The following NLRP11 variants were observed in gnomAD, a reference collection of about 807,000 sequenced individuals.
NLRP11 encodes the protein NACHT, LRR and PYD domains-containing protein 11.
Under a neutral mutation model 79.3 loss-of-function variants are expected in NLRP11, and 53 were observed. That is an observed-to-expected ratio of 0.67 (90% CI 0.54 to 0.84). NLRP11 has a LOEUF of 0.84. Among genes scored for constraint, NLRP11 ranks in the 40% least tolerant of loss-of-function variants. The pLI is 0.00. For missense variants in NLRP11, 1,264 were observed against 1,255.0 expected (o/e 1.01, Z -0.11); for synonymous variants, 518 against 462.6 (o/e 1.12, Z -1.54).
At position 55,809,295 on chromosome 19, in the gene NLRP11, T is replaced by C. The variant is rs1451176911; in HGVS notation, c.1315A>G (p.Ser439Gly). The C allele has an allele frequency of 6.2e-7, 1 of 1,613,982 alleles. No homozygotes were observed. ...TTGTAACGGTCTTTATGAGTGTTGC[T>C]CGGCAAAAGAATATTCGCGGCCTGC... The change falls in exon 3 of 10, where the codon AGC becomes GGC. Residue 439 changes from serine to glycine, a missense_variant. Coordinates refer to ENST00000589093, the Ensembl canonical transcript of NLRP11. This position sits in a 1 kb window ranked among gnomAD's most constrained non-coding sequence, Gnocchi z 4.5.
rs767153143 is a variant in NLRP11 at position 55,809,576 on chromosome 19, G to A, written c.1034C>T (p.Thr345Met). 20 of 1,614,056 alleles carry A rather than the reference G, an allele frequency of 1.2e-5. No individual in the cohort carries two copies. The highest frequency in any genetic ancestry group is 2.2e-5 in the South Asian group (2 of 91,084). Residue 345 changes from threonine (T) to methionine (M), a missense_variant, in exon 3 of 10, where the codon ACG (threonine) becomes ATG (methionine). Physicochemically the swap from Thr to Met is moderately conservative, Grantham distance 81. Transcript: ENST00000589093. The surrounding 1 kb of genome is among the most constrained non-coding windows in gnomAD (Gnocchi z 4.5). ...CATCTGCCGCTTCAGGACAGTACAC[G>A]TGATCCAGCATAAGATGGCGACTCG...
At chr19:55,833,881 A>ACAGATT (rs1983018660), upstream of NLRP11, among the ~76,000 whole-genome samples, 3 of 152,028 alleles carry the variant, frequency 2.0e-5, no homozygotes, top group South Asian at 6.2e-4. Context: ...CTGGTTTATA[A>ACAGATT]CAGATTTCTG....
intron 6 of NLRP11, among the ~76,000 whole-genome samples, chr19:55,793,555 C>CAAAAAAAA (rs1385442204): frequency 6.5e-5 from 2 of 30,668 alleles, no homozygotes; most frequent in African/African-American, 1.3e-4. Flanking sequence ...GTGACTGTCT[C>CAAAAAAAA]CAAAAAAAAA....
At chr19:55,791,921 C>T (rs544738214) in intron 7 of NLRP11, among the ~76,000 whole-genome samples, 1 of 152,144 alleles carries the variant, frequency 6.6e-6, no homozygotes, top group Non-Finnish European at 1.5e-5. Context: ...CAGAAAGATG[C>T]CCCCATGATC....
upstream of NLRP11, among the ~76,000 whole-genome samples, chr19:55,835,592 G>A (rs998770614): frequency 6.7e-4 from 97 of 144,908 alleles, no homozygotes; most frequent in African/African-American, 9.7e-4. Context: ...CTGTAATCCC[G>A]GCACTTTGGG....
intron 9 of NLRP11, among the ~76,000 whole-genome samples, chr19:55,786,759 T>G (rs1422852028): frequency 6.6e-6 from 1 of 152,160 alleles, no homozygotes; most frequent in Admixed American, 6.5e-5. Context: ...ATCCCTGGCA[T>G]CATGGAGCTC....
intron 1 of NLRP11, among the ~76,000 whole-genome samples, chr19:55,829,897 GA>G (rs1982585070): frequency 6.6e-6 from 1 of 152,080 alleles, no homozygotes; most frequent in Non-Finnish European, 1.5e-5. Context: ...CTATTGACCA[GA>G]AGCCTTATCA....
chr19:55,824,609 C>T (rs568364500), intron 1 of NLRP11, among the ~76,000 whole-genome samples: 2 of 112,652 alleles, frequency 1.8e-5, no homozygotes, highest in South Asian at 2.5e-4. Flanking sequence ...GAAGGGGTTG[C>T]AATCCTAGTC....
intron 7 of NLRP11, among the ~76,000 whole-genome samples, chr19:55,790,141 T>C (rs757201594): frequency 1.3e-5 from 2 of 152,306 alleles, no homozygotes; most frequent in African/African-American, 2.4e-5. Context: ...TGAGGTGACA[T>C]TGACCTTGCT....
chr19:55,831,386 A>AC (rs1197252345), intron 1 of NLRP11, among the ~76,000 whole-genome samples: 3 of 151,302 alleles, frequency 2.0e-5, no homozygotes, highest in East Asian at 2.0e-4. Flanking sequence ...ACATGGCGAA[A>AC]CCCCATCTCT....
At chr19:55,832,216 T>C (rs1270558853), upstream of NLRP11, 1 of 152,190 alleles carries the variant, frequency 6.6e-6, no homozygotes, top group East Asian at 1.9e-4. Flanking sequence ...ACCCCGTTTA[T>C]GATGTTGGAG....
chr19:55,787,467 G>A (rs1198630874), intron 9 of NLRP11, among the ~76,000 whole-genome samples: 1 of 152,162 alleles, frequency 6.6e-6, no homozygotes, highest in Admixed American at 6.5e-5. Flanking sequence ...CTCCCGAGTA[G>A]CTGGGATTAC....
intron 7 of NLRP11, among the ~76,000 whole-genome samples, chr19:55,790,555 G>A (rs1167290752): frequency 6.6e-6 from 1 of 152,202 alleles, no homozygotes; most frequent in Non-Finnish European, 1.5e-5. Flanking sequence ...GTTCACTGAT[G>A]TATCCCAGCC....
intron 4 of NLRP11, among the ~76,000 whole-genome samples, chr19:55,802,107 C>T (rs1401810791): frequency 3.9e-5 from 6 of 152,162 alleles, no homozygotes; most frequent in Non-Finnish European, 8.8e-5. Flanking sequence ...ATGCTGATGG[C>T]TGATAATAGC....
At chr19:55,785,924 TTTG>T in intron 9 of NLRP11, 53 bp from the exon 10 acceptor site, 2 of 1,563,482 alleles carry the variant, frequency 1.3e-6, no homozygotes, top group African/African-American at 1.4e-5. Flanking sequence ...AGGTCTCAGC[TTTG>T]TTGCATCAAT....
At chr19:55,818,355 G>A (rs540193687) in intron 1 of NLRP11, 119 bp from the exon 2 acceptor site, 46 of 596,492 alleles carry the variant, frequency 7.7e-5, no homozygotes, top group African/African-American at 6.7e-4. Context: ...GGCCATCAAC[G>A]ATAAGTCTGA....
At chr19:55,819,973 T>C (rs1407827703) in intron 1 of NLRP11, among the ~76,000 whole-genome samples, 1 of 152,066 alleles carries the variant, frequency 6.6e-6, no homozygotes, top group Non-Finnish European at 1.5e-5. Flanking sequence ...ATGAAGTACA[T>C]GGAAAGATAC....
At chr19:55,823,169 G>GCC (rs1981974461) in intron 1 of NLRP11, among the ~76,000 whole-genome samples, 1 of 146,080 alleles carries the variant, frequency 6.8e-6, no homozygotes, top group African/African-American at 2.6e-5. Context: ...ACCTCACACG[G>GCC]CAGGGTATTC....
In NLRP11 at chr19:55,809,774, G is replaced by A; in HGVS notation, c.836C>T (p.Pro279Leu). 2 of 1,614,122 alleles carry A rather than the reference G, an allele frequency of 1.2e-6. No individual in the cohort carries two copies. The highest frequency in any genetic ancestry group is 1.7e-6 in the Non-Finnish European group (2 of 1,180,010). The change falls in exon 3 of 10, where the codon CCC becomes CTC. Residue 279 changes from proline to leucine, a missense_variant. By Grantham distance (98) the Pro-to-Leu change is moderately conservative (BLOSUM62 -3). Coordinates refer to ENST00000589093, the Ensembl canonical transcript of NLRP11. This position sits in a 1 kb window ranked among gnomAD's most constrained non-coding sequence, Gnocchi z 4.5. Reference sequence around the variant, plus strand: ...CGTTTTTACATTATTCCCACGTGTGGGCCTTGAGGAGATGAGGAACCAGCA... The same window carrying A: ...CGTTTTTACATTATTCCCACGTGTGAGCCTTGAGGAGATGAGGAACCAGCA...
Sources: allele counts gnomAD v4.1 joint callset (sites outside exome capture counted in the v4.1 genomes callset), GRCh38; gene constraint gnomAD v4.1.1; non-coding constraint Gnocchi (gnomAD v3.1); transcripts MANE v1.5; gene names NCBI Gene and HGNC (gene_info 2026-07-23, HGNC 2026-07-21).